MYO1B: variants seen among roughly 807,000 people sequenced by gnomAD.
The protein encoded by MYO1B is myosin IB.
In MYO1B, 72 loss-of-function variants were observed where a neutral mutation model predicts 159.7. The ratio of observed to expected loss-of-function variants is 0.45; its 90% CI spans 0.37 to 0.55. The LOEUF is 0.55. Ranked by LOEUF, MYO1B falls within the 20% of genes least tolerant of loss-of-function variation. The pLI is 0.00. For missense variants in MYO1B, 1,062 were observed against 1,364.8 expected (o/e 0.78, Z 3.50); for synonymous variants, 468 against 473.8 (o/e 0.99, Z 0.16).
At chr2:191,273,866 C>T (rs1687600526) in intron 1 of MYO1B, among the ~76,000 whole-genome samples, 1 of 152,220 alleles carries the variant, frequency 6.6e-6, no homozygotes, top group African/African-American at 2.4e-5. Flanking sequence ...GCAAGTGATT[C>T]TGAAACTTGT....
intron 1 of MYO1B, among the ~76,000 whole-genome samples, chr2:191,267,631 G>A (rs752269371): frequency 2.6e-5 from 4 of 152,156 alleles, no homozygotes; most frequent in African/African-American, 4.8e-5. Context: ...AATGCATGTC[G>A]GGGCACTCAC....
intron 14 of MYO1B, among the ~76,000 whole-genome samples, chr2:191,382,309 T>C (rs1214840398): frequency 6.6e-6 from 1 of 152,206 alleles, no homozygotes; most frequent in Non-Finnish European, 1.5e-5. Context: ...GAATTCTCTT[T>C]TATCTTTCTT....
chr2:191,376,248 A>C (rs1271386471), intron 13 of MYO1B, among the ~76,000 whole-genome samples: 1 of 152,208 alleles, frequency 6.6e-6, no homozygotes, highest in East Asian at 1.9e-4. Flanking sequence ...ATGTCTAAAA[A>C]GGAGACTATT....
At chr2:191,404,129 A>G (rs1428581939) in intron 24 of MYO1B, among the ~76,000 whole-genome samples, 1 of 152,052 alleles carries the variant, frequency 6.6e-6, no homozygotes, top group East Asian at 1.9e-4. Flanking sequence ...TTTTTTTCTA[A>G]AAGAGAATCA....
At chr2:191,390,042 G>A (rs1438871995) in intron 17 of MYO1B, among the ~76,000 whole-genome samples, 1 of 152,196 alleles carries the variant, frequency 6.6e-6, no homozygotes, top group African/African-American at 2.4e-5. Context: ...TCAATGAAAT[G>A]TCAGTGATAC....
At chr2:191,317,742 AC>A (rs1423632999) in intron 3 of MYO1B, among the ~76,000 whole-genome samples, 1 of 152,148 alleles carries the variant, frequency 6.6e-6, no homozygotes, top group Admixed American at 6.6e-5. Flanking sequence ...AATCCAAATA[AC>A]CCAAATGAAA....
chr2:191,356,702 G>GA (rs1693315548), intron 7 of MYO1B, among the ~76,000 whole-genome samples: 1 of 152,140 alleles, frequency 6.6e-6, no homozygotes, highest in Admixed American at 6.5e-5. Context: ...AGTAAATCAA[G>GA]ATAGGACCAG....
At chr2:191,347,811 C>T (rs1171826564) in intron 6 of MYO1B, among the ~76,000 whole-genome samples, 1 of 152,240 alleles carries the variant, frequency 6.6e-6, no homozygotes, top group Admixed American at 6.5e-5. Flanking sequence ...AAAGTTACTA[C>T]TGTACCTAAC....
chr2:191,337,068 C>T lies in MYO1B; in HGVS notation c.347-4393C>T, dbSNP rs200944007. Among the ~76,000 whole-genome samples, 18 of 152,198 alleles carry T rather than the reference C, an allele frequency of 1.2e-4. No individual in the cohort carries two copies. The East Asian group carries it at 3.5e-3, about 29-fold the overall frequency. On this transcript the variant is annotated intron_variant, in intron 4 of 30. Coordinates refer to ENST00000392318, the MANE Select transcript of MYO1B (RefSeq NM_001130158.3). ...TCTGTGAAAAAAGTGCACAATAATC[C>T]TTGCCTATTCTCAAGCCTTTTTTCC...
chr2:191,383,769 T>C (rs1695238906), intron 15 of MYO1B, among the ~76,000 whole-genome samples: 1 of 151,976 alleles, frequency 6.6e-6, no homozygotes, highest in African/African-American at 2.4e-5. Context: ...ATTCCATGAC[T>C]CCTGGGCATG....
intron 5 of MYO1B, among the ~76,000 whole-genome samples, chr2:191,345,147 T>TG (rs993000392): frequency 2.0e-5 from 3 of 152,192 alleles, no homozygotes; most frequent in African/African-American, 7.2e-5. Flanking sequence ...AGCTGCCGTG[T>TG]GGCCCCTGGA....
intron 8 of MYO1B, 106 bp from the exon 9 acceptor site, chr2:191,362,162 A>T: frequency 1.3e-6 from 1 of 757,810 alleles, no homozygotes; most frequent in Non-Finnish European, 2.2e-6. Flanking sequence ...TTCAATACTT[A>T]ATATAAAAGC....
rs1401808572 is a variant in MYO1B at position 191,326,768 on chromosome 2, A to ATG, written c.252-3166_252-3165insGT. Among the ~76,000 whole-genome samples the ATG allele has an allele frequency of 1.1e-3, 116 of 109,202 alleles. 1 individual carries two copies. The highest frequency in any genetic ancestry group is 4.1e-3 in the Middle Eastern group (1 of 242). 71.6% of individuals were successfully genotyped at this position (109,202 alleles called of 152,430 possible). Reference sequence around the variant, plus strand: ...ATCTTCCAAAGCCTTGTGTTTGTATATATGTGTGTGTGTGTGTGTGTGTGT... The same window carrying ATG: ...ATCTTCCAAAGCCTTGTGTTTGTATATGTATGTGTGTGTGTGTGTGTGTGTGT... On this transcript the variant is annotated intron_variant, in intron 3 of 30. Transcript: ENST00000392318.
intron 1 of MYO1B, among the ~76,000 whole-genome samples, chr2:191,258,342 A>G (rs536600388): frequency 1.7e-3 from 253 of 152,254 alleles, no homozygotes; most frequent in African/African-American, 5.9e-3. Context: ...AAAATGTTAC[A>G]CCTCTCTAGG....
At chr2:191,282,926 A>G (rs1688150029) in intron 2 of MYO1B, among the ~76,000 whole-genome samples, 1 of 152,238 alleles carries the variant, frequency 6.6e-6, no homozygotes, top group Admixed American at 6.5e-5. Flanking sequence ...GCAAAGGTAG[A>G]CCATTAAGGT....
chr2:191,331,627 AATT>A lies in MYO1B; in HGVS notation c.346+1602_346+1604del, dbSNP rs760090795. Among the ~76,000 whole-genome samples, 9 of 152,304 alleles carry A rather than the reference AATT, an allele frequency of 5.9e-5. No individual in the cohort carries two copies. The South Asian group carries it at 1.9e-3, about 32-fold the overall frequency. On this transcript the variant is annotated intron_variant, in intron 4 of 30. Transcript: ENST00000392318. ...ATTTAATTCATTCATCCAGAAAAAAAATTATTGAATACCAACTTAGTGAAAGGT... is the reference window on the plus strand; with the variant it reads ...ATTTAATTCATTCATCCAGAAAAAAAATTGAATACCAACTTAGTGAAAGGT...
At chr2:191,266,318 C>CA (rs2125706134) in intron 1 of MYO1B, among the ~76,000 whole-genome samples, 1 of 152,178 alleles carries the variant, frequency 6.6e-6, no homozygotes, top group East Asian at 1.9e-4. Flanking sequence ...GGCTACATAA[C>CA]AGCCCTGTGG....
intron 7 of MYO1B, among the ~76,000 whole-genome samples, chr2:191,358,461 C>T (rs1160015280): frequency 1.3e-5 from 2 of 152,146 alleles, no homozygotes; most frequent in African/African-American, 2.4e-5. Flanking sequence ...CTTTTCATAT[C>T]GTGCGCAAGT....
chr2:191,253,268 T>C (rs2125662749), intron 1 of MYO1B, among the ~76,000 whole-genome samples: 1 of 152,308 alleles, frequency 6.6e-6, no homozygotes, highest in Admixed American at 6.5e-5. Context: ...GTCACCATTG[T>C]ACCACGTTTT....
Sources: allele counts gnomAD v4.1 joint callset (sites outside exome capture counted in the v4.1 genomes callset), GRCh38; gene constraint gnomAD v4.1.1; transcripts MANE v1.5; gene names NCBI Gene and HGNC (gene_info 2026-07-23, HGNC 2026-07-21).